AOAH: variants seen among roughly 807,000 people sequenced by gnomAD.
AOAH encodes the protein acyloxyacyl hydrolase (neutrophil).
Under a neutral mutation model 92.2 loss-of-function variants are expected in AOAH, and 64 were observed. The observed-to-expected ratio is 0.69, with a 90% CI of 0.57 to 0.86. The LOEUF is 0.86. Among genes scored for constraint, AOAH ranks in the 40% least tolerant of loss-of-function variants. AOAH has a pLI of 0.00. For synonymous variants in AOAH, 263 were observed against 254.5 expected (o/e 1.03, Z -0.32); for missense variants, 656 against 694.6 (o/e 0.94, Z 0.62).
chr7:36,612,555 CAAATTTGCAGATGTGAAATTACAGATGTG>C (rs914790907), intron 11 of AOAH, among the ~76,000 whole-genome samples: 2 of 152,104 alleles, frequency 1.3e-5, no homozygotes, highest in African/African-American at 4.8e-5. Context: ...TTTTAAAAGG[CAAATTTGCAGATGTGAAATTACAGATGTG>C]AAATTTGCAG....
chr7:36,673,659 G>T (rs1796064963), intron 3 of AOAH, among the ~76,000 whole-genome samples: 1 of 152,234 alleles, frequency 6.6e-6, no homozygotes, highest in African/African-American at 2.4e-5. Flanking sequence ...AGTGGGGAGA[G>T]AAGATGTGGC....
intron 13 of AOAH, among the ~76,000 whole-genome samples, chr7:36,572,810 T>C (rs1033223509): frequency 1.3e-5 from 2 of 152,212 alleles, no homozygotes; most frequent in Non-Finnish European, 2.9e-5. Flanking sequence ...TTTAAATAAC[T>C]GGCTTTAATG....
At chr7:36,579,492 A>T (rs1021979952) in intron 12 of AOAH, among the ~76,000 whole-genome samples, 1 of 152,130 alleles carries the variant, frequency 6.6e-6, no homozygotes, top group African/African-American at 2.4e-5. Flanking sequence ...GGTTCTCTAG[A>T]GGGACAGAAC....
Position 36,522,109 on chromosome 7 carries a change from TG to T in AOAH, c.1528del (p.Gln510ArgfsTer140), listed in dbSNP as rs758646910. On this transcript the variant is annotated frameshift_variant, in exon 20 of 21. Transcript: ENST00000617537. LOFTEE classifies it high-confidence loss of function. ...CTGTCCGCCTCTCTTCTGCCACTCC[TG>T]TATGACTGCAGGGCACATAACGAGA... is the stretch of plus-strand genomic sequence containing the variant. ...YMDFAFHEIIQEWQKRGGQPW... is the reference protein window; with the variant it reads ...YMDFAFHEIIXEWQKRGGQPW... The T allele has an allele frequency of 6.2e-7, 1 of 1,614,188 alleles. No individual in the cohort carries two copies. The highest frequency in any genetic ancestry group is 8.5e-7 in the Non-Finnish European group (1 of 1,179,994).
chr7:36,575,511 A>C (rs1047519867), intron 13 of AOAH, among the ~76,000 whole-genome samples: 2 of 152,150 alleles, frequency 1.3e-5, no homozygotes, highest in African/African-American at 4.8e-5. Flanking sequence ...TCCCTCCCTC[A>C]ACACTCCCTA....
chr7:36,584,074 A>C (rs1457213152), intron 12 of AOAH, among the ~76,000 whole-genome samples: 3 of 152,228 alleles, frequency 2.0e-5, no homozygotes, highest in Non-Finnish European at 4.4e-5. Flanking sequence ...TGGTCAAATA[A>C]GTTTAGGAAA....
chr7:36,576,713 A>C (rs2116637409), intron 12 of AOAH, 57 bp from the exon 13 acceptor site: 1 of 886,010 alleles, frequency 1.1e-6, no homozygotes, highest in Non-Finnish European at 1.7e-6. Flanking sequence ...AAAGAAGTTT[A>C]AACAAACCAT....
intron 12 of AOAH, among the ~76,000 whole-genome samples, chr7:36,593,784 T>A (rs937618596): frequency 6.6e-6 from 1 of 152,210 alleles, no homozygotes; most frequent in African/African-American, 2.4e-5. Flanking sequence ...ATCTGTGGTT[T>A]ACTACCATGT....
intron 18 of AOAH, among the ~76,000 whole-genome samples, chr7:36,531,266 AT>A (rs1784673678): frequency 6.6e-6 from 1 of 152,166 alleles, no homozygotes; most frequent in Non-Finnish European, 1.5e-5. Context: ...ATTGTTCTTT[AT>A]GCTTTTTTGT....
chr7:36,515,783 AT>A (rs1783645129), intron 20 of AOAH, among the ~76,000 whole-genome samples: 1 of 111,186 alleles, frequency 9.0e-6, no homozygotes, highest in Non-Finnish European at 1.8e-5. Context: ...ACACACATAC[AT>A]CACACACACA....
intron 6 of AOAH, among the ~76,000 whole-genome samples, chr7:36,630,968 G>GAAAC (rs1793033291): frequency 6.6e-6 from 1 of 152,168 alleles, no homozygotes; most frequent in African/African-American, 2.4e-5. Flanking sequence ...ACTAAGTGAG[G>GAAAC]AAACATATCG....
chr7:36,533,880 C>T (rs999890095), intron 16 of AOAH, among the ~76,000 whole-genome samples: 5 of 152,116 alleles, frequency 3.3e-5, no homozygotes, highest in African/African-American at 7.2e-5. Context: ...TCTGTGAGGG[C>T]CCAGTGTCTG....
intron 19 of AOAH, among the ~76,000 whole-genome samples, chr7:36,528,985 G>A (rs1021652568): frequency 2.6e-5 from 4 of 152,158 alleles, no homozygotes; most frequent in Admixed American, 6.5e-5. Context: ...CTCCTGGGTG[G>A]TGTTGATTTT....
At chr7:36,558,872 G>A (rs958189932) in intron 13 of AOAH, among the ~76,000 whole-genome samples, 5 of 152,252 alleles carry the variant, frequency 3.3e-5, no homozygotes, top group African/African-American at 7.2e-5. Context: ...TCCAGGTGCC[G>A]TCTGTCACCC....
intron 1 of AOAH, among the ~76,000 whole-genome samples, chr7:36,721,877 C>T (rs761188751): frequency 4.6e-5 from 7 of 152,136 alleles, no homozygotes; most frequent in Non-Finnish European, 1.0e-4. Flanking sequence ...TGCCTGTTTC[C>T]AGACCCAAAA....
rs11977554 is a variant in AOAH at position 36,573,548 on chromosome 7, T to A, written c.1021+3026A>T. ...GTCTGGCCAACATGGTGAAACCCTG[T>A]CTCTACTAAAAATACAAAAAATAGC... On this transcript the variant is annotated intron_variant, in intron 13 of 20. Transcript: ENST00000617537. Among the ~76,000 whole-genome samples, 992 of 152,240 alleles carry A rather than the reference T, an allele frequency of 6.5e-3. 9 individuals carry two copies. Among genetic ancestry groups the A allele is most frequent in the African/African-American group, 0.023 (951 of 41,540 alleles).
chr7:36,518,617 G>A (rs544194550), intron 20 of AOAH, among the ~76,000 whole-genome samples: 1 of 152,284 alleles, frequency 6.6e-6, no homozygotes, highest in East Asian at 1.9e-4. Flanking sequence ...TGAATGCTAG[G>A]GAATGGGTGC....
At chr7:36,558,832 C>T (rs1787026153) in intron 13 of AOAH, among the ~76,000 whole-genome samples, 1 of 152,246 alleles carries the variant, frequency 6.6e-6, no homozygotes, top group Non-Finnish European at 1.5e-5. Context: ...GTTGGAAAAG[C>T]ACAGTATTGG....
chr7:36,555,256 T>C (rs1353771880), intron 13 of AOAH, among the ~76,000 whole-genome samples: 1 of 152,126 alleles, frequency 6.6e-6, no homozygotes, highest in African/African-American at 2.4e-5. Context: ...GTGGTTTTTG[T>C]CTTTGGTTCT....
Sources: allele counts gnomAD v4.1 joint callset (sites outside exome capture counted in the v4.1 genomes callset), GRCh38; gene constraint gnomAD v4.1.1; transcripts MANE v1.5; gene names NCBI Gene and HGNC (gene_info 2026-07-23, HGNC 2026-07-21).